AIM2: variants seen among roughly 807,000 people sequenced by gnomAD.
AIM2 encodes interferon-inducible protein AIM2.
A neutral mutation model predicts 27.7 loss-of-function variants in AIM2; 30 were observed. The observed-to-expected ratio is 1.08, with a 90% CI of 0.81 to 1.47. The LOEUF is 1.47. Ranked by LOEUF, AIM2 falls within the 40% of genes most tolerant of loss-of-function variation. AIM2 has a pLI of 0.00. For missense variants in AIM2, 358 were observed against 411.3 expected, an observed-to-expected ratio of 0.87 and a Z score of 1.12; for synonymous variants, 141 against 145.3, an observed-to-expected ratio of 0.97 and a Z score of 0.21.
At chr1:159,087,940 A>G (rs1344444561) in intron 1 of AIM2, among the ~76,000 whole-genome samples, 1 of 152,116 alleles carries the variant, frequency 6.6e-6, no homozygotes, top group Non-Finnish European at 1.5e-5. Flanking sequence ...TGCCAGAGTG[A>G]TCCTTTGATC....
chr1:159,056,745 A>AAC, the AIM2 span, among the ~76,000 whole-genome samples: 1 of 146,446 alleles, frequency 6.8e-6, no homozygotes, highest in African/African-American at 2.6e-5. Context: ...AAAAAAAAAA[A>AAC]AAACTACCCT....
rs1324365943 is a variant in AIM2, at chr1:159,073,369, T to C, written c.131A>G (p.Asn44Ser). 1 of 1,614,198 alleles carries C rather than the reference T, an allele frequency of 6.2e-7. No individual in the cohort carries two copies. The highest frequency in any genetic ancestry group is 1.7e-5 in the Admixed American group (1 of 60,026). ...NIATGKLHTA[N>S]RIQVATLMIQ... Reference sequence around the variant, plus strand: ...CATCAAGGTAGCTACTTGTATTCTGTTTGCAGTATGTAGTTTGCCTGTGGC... The same window carrying C: ...CATCAAGGTAGCTACTTGTATTCTGCTTGCAGTATGTAGTTTGCCTGTGGC... The change falls in exon 2 of 6, where the codon AAC (asparagine) becomes AGC (serine). Residue 44 changes from asparagine (N) to serine (S), a missense_variant. Transcript: ENST00000368130.
At chr1:159,110,202 T>C (rs1657535361) in intron 1 of AIM2, among the ~76,000 whole-genome samples, 1 of 152,090 alleles carries the variant, frequency 6.6e-6, no homozygotes, top group Non-Finnish European at 1.5e-5. Flanking sequence ...GTAGTATATA[T>C]ACACAATGGA....
downstream of AIM2, among the ~76,000 whole-genome samples, chr1:159,059,954 C>G (rs1278632039): frequency 6.6e-6 from 1 of 152,144 alleles, no homozygotes; most frequent in East Asian, 1.9e-4. Context: ...GGAGCTTCCC[C>G]TAGATCTGTA....
At chr1:159,144,994 T>C (rs1242468256), upstream of AIM2, among the ~76,000 whole-genome samples, 1 of 152,190 alleles carries the variant, frequency 6.6e-6, no homozygotes, top group African/African-American at 2.4e-5. Context: ...GCCGTAAACC[T>C]TATTAATCCA....
In AIM2 at chr1:159,130,699, C is replaced by T. The variant is rs1252793554; in HGVS notation, c.-16+9732G>A. On this transcript the variant is annotated intron_variant, in intron 1 of 2. Coordinates refer to the AIM2 transcript ENST00000368129. ...AAGCCAACACCATATCACATATACC[C>T]TCAAACTGTCTCCAACCTAGCTTCC... Among the ~76,000 whole-genome samples the T allele has an allele frequency of 3.3e-5, 5 of 152,010 alleles. No individual in the cohort carries two copies. The East Asian group carries it at 9.6e-4, about 29-fold the overall frequency.
intron 1 of AIM2, among the ~76,000 whole-genome samples, chr1:159,103,732 T>A (rs1320007818): frequency 6.6e-6 from 1 of 152,162 alleles, no homozygotes; most frequent in Non-Finnish European, 1.5e-5. Context: ...CTTGCACACC[T>A]CTCCTTTCTT....
intron 1 of AIM2, among the ~76,000 whole-genome samples, chr1:159,106,681 C>T (rs1657455583): frequency 6.6e-6 from 1 of 152,168 alleles, no homozygotes; most frequent in Admixed American, 6.5e-5. Flanking sequence ...TACTTTCCTA[C>T]AAAATCCCAA....
Position 159,065,930 on chromosome 1 carries a change from C to G in AIM2, c.796G>C (p.Gly266Arg), listed in dbSNP as rs1407753972. 2.3e-5 allele frequency: 37 copies of G among 1,607,482 alleles called. No individual in the cohort carries two copies. The highest frequency in any genetic ancestry group is 3.0e-5 in the Non-Finnish European group (35 of 1,176,666). Residue 266 changes from glycine (G) to arginine (R), a missense_variant, in exon 4 of 6, where the codon GGT (glycine) becomes CGT (arginine). By Grantham distance (125) the Gly-to-Arg change is moderately radical. Transcript: ENST00000368130. ...CTTACCTTCTGGACTACAAACAAAC[C>G]ATTCACAATTGTTCCAAGGGGCTGA... ...QTQPLGTIVN[G>R]LFVVQKVTEK...
At chr1:159,062,308 C>T (rs745555943), downstream of AIM2, among the ~76,000 whole-genome samples, 2 of 152,218 alleles carry the variant, frequency 1.3e-5, no homozygotes, top group Non-Finnish European at 2.9e-5. Flanking sequence ...TGCGCTGCTT[C>T]ACATGTTGTA....
At chr1:159,144,880 G>A (rs144770662), upstream of AIM2, among the ~76,000 whole-genome samples, 485 of 152,202 alleles carry the variant, frequency 3.2e-3, 1 homozygote, top group South Asian at 0.013. Context: ...CAACTAGTCC[G>A]TATTTTAAAT....
chr1:159,074,361 A>C (rs1314884704), intron 1 of AIM2, among the ~76,000 whole-genome samples: 1 of 152,140 alleles, frequency 6.6e-6, no homozygotes, highest in East Asian at 1.9e-4. Context: ...TTTGTATATG[A>C]TATAAGTGAT....
chr1:159,113,763 G>T (rs768479202), intron 1 of AIM2, among the ~76,000 whole-genome samples: 19 of 152,190 alleles, frequency 1.2e-4, no homozygotes, highest in Admixed American at 2.6e-4. Context: ...CAGAGCTTCA[G>T]GGATGACCAT....
At chr1:159,089,073 A>T (rs1330078681) in intron 1 of AIM2, among the ~76,000 whole-genome samples, 2 of 152,182 alleles carry the variant, frequency 1.3e-5, no homozygotes, top group Non-Finnish European at 2.9e-5. Context: ...TTCAAAGAAA[A>T]CACTGACGAA....
At chr1:159,132,242 C>A (rs1167810228) in intron 1 of AIM2, 7 of 149,872 alleles carry the variant, frequency 4.7e-5, no homozygotes, top group Non-Finnish European at 1.0e-4. Flanking sequence ...GTGGCGGGTA[C>A]CTGTAATCCC....
Position 159,062,495 on chromosome 1 carries a change from C to CAGAT in AIM2, c.*193_*196dup. 3 of 595,910 alleles carry CAGAT rather than the reference C, an allele frequency of 5.0e-6. No homozygotes were observed. Among genetic ancestry groups the CAGAT allele is most frequent in the Non-Finnish European group, 6.0e-6 (2 of 335,904 alleles). The allele number at this position is 595,910 out of a possible 1,614,324, so 36.9% of individuals were successfully genotyped here. A position where few individuals can be genotyped will look rare whatever the true frequency, so the allele number is the denominator to read the frequency against. ...TAGTGGGACTGTAATGAATGAGAAA[C>CAGAT]AGATGTTTATTGTGATCATCTGTTG... On this transcript the variant is annotated 3_prime_UTR_variant, in exon 6 of 6. Coordinates refer to ENST00000368130, the MANE Select transcript of AIM2 (RefSeq NM_004833.3).
At chr1:159,145,890 G>A (rs148173570) in intron 1 of AIM2, among the ~76,000 whole-genome samples, 241 of 152,222 alleles carry the variant, frequency 1.6e-3, no homozygotes, top group African/African-American at 5.5e-3. Context: ...GGCAGATCAC[G>A]AGGTCAAGAG....
At chr1:159,134,560 G>A (rs191193264) in intron 1 of AIM2, among the ~76,000 whole-genome samples, 36 of 152,314 alleles carry the variant, frequency 2.4e-4, no homozygotes, top group African/African-American at 6.5e-4. Context: ...GGCCGAGTGC[G>A]GTGGCTCACA....
intron 1 of AIM2, among the ~76,000 whole-genome samples, chr1:159,111,661 T>C (rs1373352486): frequency 6.6e-6 from 1 of 151,588 alleles, no homozygotes; most frequent in Non-Finnish European, 1.5e-5. Flanking sequence ...AAAGCAAACA[T>C]AGAAAAAAGC....
Sources: gnomAD v4.1 joint callset for allele counts (sites outside exome capture counted in the v4.1 genomes callset) on GRCh38, gnomAD v4.1.1 for gene constraint, MANE v1.5 for transcripts, NCBI Gene and HGNC (gene_info 2026-07-23, HGNC 2026-07-21) for gene names.